The following GNPAT variants were observed in gnomAD, a reference collection of about 807,000 sequenced individuals.
The protein encoded by GNPAT is glyceronephosphate O-acyltransferase, also known as dihydroxyacetone phosphate acyltransferase.
Under a neutral mutation model 78.4 loss-of-function variants are expected in GNPAT, and 30 were observed. The ratio of observed to expected loss-of-function variants is 0.38; its 90% CI spans 0.29 to 0.52. The LOEUF is 0.52. GNPAT is among the 20% of genes least tolerant of loss of function. GNPAT has a pLI of 0.84. For missense variants in GNPAT, 714 were observed against 812.2 expected (o/e 0.88, Z 1.47); for synonymous variants, 271 against 281.1 (o/e 0.96, Z 0.36).
chr1:231,251,806 A>G (rs988258749), intron 2 of GNPAT, among the ~76,000 whole-genome samples: 2 of 152,204 alleles, frequency 1.3e-5, no homozygotes, highest in Admixed American at 6.5e-5. Flanking sequence ...GGTTGAGCCT[A>G]TTCCATTAAG....
chr1:231,243,712 G>A (rs114300051), intron 1 of GNPAT, among the ~76,000 whole-genome samples: 387 of 152,256 alleles, frequency 2.5e-3, no homozygotes, highest in African/African-American at 9.1e-3. Context: ...CATATTTGGG[G>A]TTAGAATTAG....
At chr1:231,243,390 C>T (rs1300605054) in intron 1 of GNPAT, among the ~76,000 whole-genome samples, 1 of 152,174 alleles carries the variant, frequency 6.6e-6, no homozygotes, top group Non-Finnish European at 1.5e-5. Context: ...GTGGCTCGAT[C>T]TTGGTTCACT....
Position 231,266,149 on chromosome 1 carries a change from CAA to C in GNPAT, c.911_912del (p.Lys304ArgfsTer15). On this transcript the variant is annotated frameshift_variant, in exon 7 of 16. Transcript: ENST00000366647. LOFTEE classifies it high-confidence loss of function. Reference sequence around the variant, plus strand: ...TATGAGCTTCTAGGGGTTCCTAAACCAAAAGAGTCTACAACTGTACGTGAGCT... The same window carrying C: ...TATGAGCTTCTAGGGGTTCCTAAACCAAGAGTCTACAACTGTACGTGAGCT... 1 of 1,613,288 alleles carries C rather than the reference CAA, an allele frequency of 6.2e-7. No individual in the cohort carries two copies. Among genetic ancestry groups the C allele is most frequent in the South Asian group, 1.1e-5 (1 of 91,048 alleles).
intron 5 of GNPAT, 69 bp from the exon 6 acceptor site, chr1:231,265,643 T>A: frequency 9.9e-7 from 1 of 1,011,086 alleles, no homozygotes. Flanking sequence ...GGAAAAGGAA[T>A]CAAAAGAAGC....
intron 5 of GNPAT, 98 bp from the exon 6 acceptor site, chr1:231,265,610 CAGGA>C (rs1234284548): frequency 2.2e-6 from 2 of 901,224 alleles, no homozygotes; most frequent in East Asian, 4.9e-5. Flanking sequence ...TGTGTTTGTT[CAGGA>C]AGCTTGGGAG....
chr1:231,273,282 G>A (rs1685617267), intron 11 of GNPAT, among the ~76,000 whole-genome samples: 1 of 140,942 alleles, frequency 7.1e-6, no homozygotes, highest in African/African-American at 2.7e-5. Context: ...GGTGGAGTCT[G>A]GCTCTGTCGC....
At chr1:231,262,669 T>G in intron 3 of GNPAT, 54 bp from the exon 4 acceptor site, 1 of 1,398,520 alleles carries the variant, frequency 7.2e-7, no homozygotes, top group Non-Finnish European at 1.0e-6. Flanking sequence ...ATTTGAGATG[T>G]GATTTGATAA....
At chr1:231,275,594 A>G (rs1685690298) in intron 14 of GNPAT, 96 bp downstream of exon 14, 3 of 783,332 alleles carry the variant, frequency 3.8e-6, no homozygotes, top group Non-Finnish European at 6.9e-6. Flanking sequence ...TGGATGATCT[A>G]GGAAATGCTA....
rs138396699 is a variant in GNPAT, at chr1:231,260,137, C to A, written c.262-370C>A. Among the ~76,000 whole-genome samples the A allele has an allele frequency of 5.4e-3, 816 of 152,252 alleles. 7 individuals carry two copies. The highest frequency in any genetic ancestry group is 0.019 in the African/African-American group (779 of 41,542). On this transcript the variant is annotated intron_variant, in intron 2 of 15. Transcript: ENST00000366647. ...TTACCTTGTAATAGCATTGAGCCAG[C>A]TGGTGGAGCACTGCAGCAATACACT...
At chr1:231,272,045 A>G (rs1307270964) in intron 10 of GNPAT, among the ~76,000 whole-genome samples, 1 of 152,212 alleles carries the variant, frequency 6.6e-6, no homozygotes, top group Non-Finnish European at 1.5e-5. Flanking sequence ...GGTTGCAGTG[A>G]GCCAAGATTG....
chr1:231,276,262 C>G (rs1232553256), intron 15 of GNPAT, 66 bp downstream of exon 15: 10 of 780,522 alleles, frequency 1.3e-5, no homozygotes, highest in Non-Finnish European at 2.1e-5. Flanking sequence ...AGAAAGTATA[C>G]TGTGGCACCA....
intron 9 of GNPAT, among the ~76,000 whole-genome samples, chr1:231,269,504 A>G (rs1571954058): frequency 6.6e-6 from 1 of 152,336 alleles, no homozygotes; most frequent in Non-Finnish European, 1.5e-5. Flanking sequence ...CCTGAGCCGC[A>G]GCAGTGGAGG....
intron 3 of GNPAT, among the ~76,000 whole-genome samples, chr1:231,261,287 T>G (rs1253550713): frequency 6.6e-6 from 1 of 152,230 alleles, no homozygotes; most frequent in Non-Finnish European, 1.5e-5. Context: ...TAGACTCTTT[T>G]AATCTAAAAT....
chr1:231,266,174 G>T lies in GNPAT; in HGVS notation c.924+9G>T. 1 of 1,613,336 alleles carries T rather than the reference G, an allele frequency of 6.2e-7. No individual in the cohort carries two copies. The highest frequency in any genetic ancestry group is 1.1e-5 in the South Asian group (1 of 91,064). ...CAAAAGAGTCTACAACTGTACGTGA[G>T]CTTGATTTTAGCTTAATTGAGAGAA... On this transcript the variant is annotated intron_variant, in intron 7 of 15. Transcript: ENST00000366647.
rs567760007 is a variant in GNPAT, at chr1:231,254,889, T to A, written c.261+3746T>A. ...GCCTCAGCGTCCCAAGTAGCTGGGATTACAGGCACCCACCACTGCGCCTGG... is the reference window on the plus strand; with the variant it reads ...GCCTCAGCGTCCCAAGTAGCTGGGAATACAGGCACCCACCACTGCGCCTGG... On this transcript the variant is annotated intron_variant, in intron 2 of 15. Transcript: ENST00000366647. Among the ~76,000 whole-genome samples the A allele has an allele frequency of 3.9e-5, 6 of 152,002 alleles. No individual in the cohort carries two copies. The East Asian group carries it at 1.2e-3, about 30-fold the overall frequency.
rs1685541934 is a variant in GNPAT at position 231,270,820 on chromosome 1, C to G, written c.1342C>G (p.Leu448Val). ...TCTTCTGCATTCCAACATTGCCAGC[C>G]TTGTCAAAGACCAGGTGATTCTGAA... Reference protein sequence around the residue: ...SILLHSNIASLVKDQVILKVD... With the variant: ...SILLHSNIASVVKDQVILKVD... The change falls in exon 10 of 16, where the codon CTT (leucine) becomes GTT (valine). Residue 448 changes from leucine to valine, a missense_variant. Leu to Val is a conservative substitution (Grantham distance 32). Coordinates refer to ENST00000366647, the MANE Select transcript of GNPAT (RefSeq NM_014236.4). The G allele has an allele frequency of 6.2e-7, 1 of 1,614,074 alleles. No homozygotes were observed. Among genetic ancestry groups the G allele is most frequent in the African/African-American group, 1.3e-5 (1 of 75,064 alleles).
rs1684598242 is a variant in GNPAT, at chr1:231,241,407, A to G, written c.29A>G (p.Tyr10Cys). 2 of 1,613,742 alleles carry G rather than the reference A, an allele frequency of 1.2e-6. No homozygotes were observed. Among genetic ancestry groups the G allele is most frequent in the South Asian group, 1.1e-5 (1 of 91,074 alleles). Residue 10 changes from tyrosine to cysteine, a missense_variant, in exon 1 of 16, where the codon TAT becomes TGT. Physicochemically the swap from Tyr to Cys is radical, Grantham distance 194. Transcript: ENST00000366647. ...GAGTCTTCCAGTTCATCTAACTCTTATTTCTCCGTTGGCCCAACCAGTCCC... is the reference window on the plus strand; with the variant it reads ...GAGTCTTCCAGTTCATCTAACTCTTGTTTCTCCGTTGGCCCAACCAGTCCC... MESSSSSNSYFSVGPTSPSA... is the reference protein window; with the variant it reads MESSSSSNSCFSVGPTSPSA...
At chr1:231,262,938 A>G in intron 4 of GNPAT, 86 bp downstream of exon 4, 2 of 996,838 alleles carry the variant, frequency 2.0e-6, no homozygotes. Context: ...TTTGAAGATG[A>G]TGATGAAAAT....
In GNPAT at chr1:231,266,555, A is replaced by T. The variant is rs1571951007; in HGVS notation, c.1055+148A>T. 1.1e-5 allele frequency: 8 copies of T among 747,792 alleles called. No individual in the cohort carries two copies. The East Asian group carries it at 2.1e-4, about 20-fold the overall frequency. The allele number at this position is 747,792 out of a possible 1,614,324, so 46.3% of individuals were successfully genotyped here. On this transcript the variant is annotated intron_variant, in intron 8 of 15. Coordinates refer to ENST00000366647, the MANE Select transcript of GNPAT (RefSeq NM_014236.4). Reference sequence around the variant, plus strand: ...ATGCTGTTATCATTCCGTTTTCATCAGTGGAAACCTTCAATTAAAGAAGAA... The same window carrying T: ...ATGCTGTTATCATTCCGTTTTCATCTGTGGAAACCTTCAATTAAAGAAGAA...
Sources: gnomAD v4.1 joint callset for allele counts (sites outside exome capture counted in the v4.1 genomes callset) on GRCh38, gnomAD v4.1.1 for gene constraint, MANE v1.5 for transcripts, NCBI Gene and HGNC (gene_info 2026-07-23, HGNC 2026-07-21) for gene names.